The following GRIP2 variants were observed in gnomAD, a reference collection of about 807,000 sequenced individuals.
GRIP2 encodes glutamate receptor-interacting protein 2.
Under a neutral mutation model 108.3 loss-of-function variants are expected in GRIP2, and 58 were observed. That is an observed-to-expected ratio of 0.54 (90% CI 0.43 to 0.67). GRIP2 has a LOEUF of 0.67. Ranked by LOEUF, GRIP2 falls within the 30% of genes least tolerant of loss-of-function variation. The probability of loss-of-function intolerance (pLI) is 0.00; values close to 1 mark genes in which losing one functional copy is unlikely to be tolerated. For synonymous variants in GRIP2, 586 were observed against 598.2 expected (o/e 0.98, Z 0.30); for missense variants, 1,278 against 1,430.6 (o/e 0.89, Z 1.72).
At chr3:14,502,142 T>A (rs1693783393) in intron 21 of GRIP2, among the ~76,000 whole-genome samples, 1 of 152,138 alleles carries the variant, frequency 6.6e-6, no homozygotes, top group Non-Finnish European at 1.5e-5. Context: ...AAAGAGAACC[T>A]GCTATGTATA....
At chr3:14,555,460 G>C (rs2124985813) in intron 1 of GRIP2, among the ~76,000 whole-genome samples, 1 of 152,246 alleles carries the variant, frequency 6.6e-6, no homozygotes, top group African/African-American at 2.4e-5. Flanking sequence ...AGTGCAAGAG[G>C]AACAGAGAAG....
At chr3:14,523,277 T>C in intron 5 of GRIP2, 1 of 586,940 alleles carries the variant, frequency 1.7e-6, no homozygotes, top group Non-Finnish European at 3.1e-6. Context: ...ATGACCAAAG[T>C]CTTCTCTCTG....
the GRIP2 span, among the ~76,000 whole-genome samples, chr3:14,593,271 T>C: frequency 6.6e-6 from 1 of 152,228 alleles, no homozygotes; most frequent in Non-Finnish European, 1.5e-5. Flanking sequence ...AAAACATTCC[T>C]GAGATAAATA....
intron 22 of GRIP2, among the ~76,000 whole-genome samples, chr3:14,495,705 C>T (rs1026415140): frequency 2.6e-5 from 4 of 152,012 alleles, no homozygotes; most frequent in Admixed American, 6.6e-5. Context: ...GCGACCAGCT[C>T]GTATCTTTTT....
chr3:14,512,875 T>C lies in GRIP2; in HGVS notation c.1640-18A>G. On this transcript the variant is annotated intron_variant, in intron 13 of 23. Coordinates refer to ENST00000621039, the MANE Select transcript of GRIP2 (RefSeq NM_001080423.4). The surrounding 1 kb of genome is among the most constrained non-coding windows in gnomAD (Gnocchi z 5.1). ...GACGGACTCTGGGGGTAGATGGACA[T>C]AAACCGACGTGAGGACCCAGAGGAG... The C allele has an allele frequency of 1.2e-6, 2 of 1,612,402 alleles. No individual in the cohort carries two copies. Among genetic ancestry groups the C allele is most frequent in the South Asian group, 1.1e-5 (1 of 91,050 alleles).
intron 1 of GRIP2, among the ~76,000 whole-genome samples, chr3:14,533,129 C>T (rs1003662959): frequency 2.6e-5 from 4 of 152,224 alleles, no homozygotes; most frequent in Admixed American, 1.3e-4. Context: ...CGGATTCAGG[C>T]GACACCCCAT....
chr3:14,542,153 A>ATT, upstream of GRIP2: 3 of 991,018 alleles, frequency 3.0e-6, no homozygotes, highest in South Asian at 3.3e-5. Context: ...TTTATTTTTT[A>ATT]TTTTTTTTAT....
chr3:14,570,977 G>A, the GRIP2 span, among the ~76,000 whole-genome samples: 350 of 152,272 alleles, frequency 2.3e-3, no homozygotes, highest in Non-Finnish European at 3.6e-3. Flanking sequence ...TTGTGGTGGC[G>A]GGGAGCTGTC....
At chr3:14,568,277 A>G in the GRIP2 span, among the ~76,000 whole-genome samples, 1 of 152,196 alleles carries the variant, frequency 6.6e-6, no homozygotes, top group Admixed American at 6.5e-5. Flanking sequence ...ACCAGTGAAG[A>G]GGCCACTGCA....
rs1444100471 is a variant in GRIP2, at chr3:14,505,503, C to G, written c.2573+112G>C. 4.8e-6 allele frequency: 6 copies of G among 1,247,406 alleles called. No individual in the cohort carries two copies. The East Asian group carries it at 1.5e-4, about 32-fold the overall frequency. 77.3% of individuals were successfully genotyped at this position (1,247,406 alleles called of 1,614,324 possible). On this transcript the variant is annotated intron_variant, in intron 20 of 23. Transcript: ENST00000621039. The surrounding 1 kb of genome is among the most constrained non-coding windows in gnomAD (Gnocchi z 4.2). ...TTCTCTCCCAGGAGGCACCCCTCCT[C>G]AGGAGCCCGCCAAGACTCTCCATTC...
chr3:14,593,659 T>C, the GRIP2 span, among the ~76,000 whole-genome samples: 1 of 152,178 alleles, frequency 6.6e-6, no homozygotes, highest in East Asian at 1.9e-4. Flanking sequence ...GCGCTACAGG[T>C]TGACAACATC....
In GRIP2 at chr3:14,521,013, C is replaced by T. The variant is rs551719289; in HGVS notation, c.713-476G>A. On this transcript the variant is annotated intron_variant, in intron 7 of 23. Transcript: ENST00000621039. The surrounding 1 kb of genome is among the most constrained non-coding windows in gnomAD (Gnocchi z 5.1). ...TGGACCGTCATCATATTTCCTGAAT[C>T]CCGTGCCTTCTCCCCTCCTTAGCCA... 1.1e-5 allele frequency: 2 copies of T among 179,456 alleles called. No individual in the cohort carries two copies. Among genetic ancestry groups the T allele is most frequent in the Admixed American group, 1.1e-4 (2 of 18,374 alleles). The allele number at this position is 179,456 out of a possible 1,614,324, so 11.1% of individuals were successfully genotyped here. A position where few individuals can be genotyped will look rare whatever the true frequency, so the allele number is the denominator to read the frequency against.
At chr3:14,551,088 C>T (rs13062687) in intron 1 of GRIP2, among the ~76,000 whole-genome samples, 33,811 of 152,066 alleles carry the variant, frequency 0.22, 4,170 homozygotes, top group South Asian at 0.38. Flanking sequence ...AGAAGGGACG[C>T]TGAGGCCAGG....
In GRIP2 at chr3:14,509,826, G is replaced by A; in HGVS notation, c.2072C>T (p.Ala691Val). Residue 691 changes from alanine to valine, a missense_variant, in exon 17 of 24, where the codon GCT (alanine) becomes GTT (valine). Transcript: ENST00000621039. ...VISGLTKRGLAERTGAIHVGD... is the reference protein window; with the variant it reads ...VISGLTKRGLVERTGAIHVGD... ...CCACAGAGCCCCAGTTCACCTCTCA[G>A]CCAGGCCACGCTTGGTGAGGCCTGA... 6.7e-7 allele frequency: 1 copy of A among 1,500,172 alleles called. No individual in the cohort carries two copies. The highest frequency in any genetic ancestry group is 8.9e-7 in the Non-Finnish European group (1 of 1,118,072). 92.9% of individuals were successfully genotyped at this position (1,500,172 alleles called of 1,614,324 possible). A position where few individuals can be genotyped will look rare whatever the true frequency, so the allele number is the denominator to read the frequency against.
the GRIP2 span, among the ~76,000 whole-genome samples, chr3:14,563,014 A>T: frequency 6.7e-6 from 1 of 150,202 alleles, no homozygotes; most frequent in African/African-American, 2.5e-5. Context: ...AGAGTGGGGG[A>T]AAAAAAAAAG....
At position 14,517,260 on chromosome 3, in the gene GRIP2, C is replaced by T. The variant is rs1297030118; in HGVS notation, c.1157-47G>A. 4.7e-6 allele frequency: 7 copies of T among 1,482,760 alleles called. No homozygotes were observed. The Admixed American group carries it at 9.7e-5, about 21-fold the overall frequency. The allele number at this position is 1,482,760 out of a possible 1,614,324, so 91.9% of individuals were successfully genotyped here. A position where few individuals can be genotyped will look rare whatever the true frequency, so the allele number is the denominator to read the frequency against. ...CCCGTGAACCCCAGCCGAGGCTCTC[C>T]ACCCCACCACACAGTGGGTGCTGGG... On this transcript the variant is annotated intron_variant, in intron 10 of 23. Coordinates refer to ENST00000621039, the MANE Select transcript of GRIP2 (RefSeq NM_001080423.4).
the GRIP2 span, among the ~76,000 whole-genome samples, chr3:14,581,629 A>G: frequency 6.6e-6 from 1 of 152,234 alleles, no homozygotes. Flanking sequence ...GTAGAATGAT[A>G]TAAGTCTGGA....
chr3:14,565,748 C>T, the GRIP2 span, among the ~76,000 whole-genome samples: 5 of 152,186 alleles, frequency 3.3e-5, no homozygotes, highest in African/African-American at 4.8e-5. Context: ...GTCCCAGCAT[C>T]GCCCTTCACG....
chr3:14,530,903 A>T (rs1364625930), intron 1 of GRIP2: 1 of 152,230 alleles, frequency 6.6e-6, no homozygotes, highest in Admixed American at 6.5e-5. Flanking sequence ...TAAATGTACA[A>T]TTACATCATT....
Sources: allele counts gnomAD v4.1 joint callset (sites outside exome capture counted in the v4.1 genomes callset), GRCh38; gene constraint gnomAD v4.1.1; non-coding constraint Gnocchi (gnomAD v3.1); transcripts MANE v1.5; gene names NCBI Gene and HGNC (gene_info 2026-07-23, HGNC 2026-07-21).